The following TLL2 variants were observed in gnomAD, a reference collection of about 807,000 sequenced individuals.
The protein encoded by TLL2 is tolloid like 2.
In TLL2, 106 loss-of-function variants were observed where a neutral mutation model predicts 123.0. The ratio of observed to expected loss-of-function variants is 0.86; its 90% CI spans 0.74 to 1.01. The LOEUF (loss-of-function observed/expected upper bound fraction) is 1.01, where lower values mean the gene tolerates loss of function less well. TLL2 is among the 50% of genes least tolerant of loss of function. The pLI is 0.00. For missense variants in TLL2, 1,332 were observed against 1,336.7 expected (o/e 1.00, Z 0.06); for synonymous variants, 494 against 516.8 (o/e 0.96, Z 0.60).
intron 13 of TLL2, among the ~76,000 whole-genome samples, chr10:96,388,660 C>T (rs548710172): frequency 6.6e-6 from 1 of 152,316 alleles, no homozygotes; most frequent in Non-Finnish European, 1.5e-5. Context: ...TTCCAGTCCA[C>T]TGGTCCTCAG....
chr10:96,436,269 T>C (rs1461103604), intron 3 of TLL2, among the ~76,000 whole-genome samples: 5 of 152,256 alleles, frequency 3.3e-5, no homozygotes, highest in Admixed American at 6.5e-5. Context: ...CTGATATCAT[T>C]GATGGCTAGC....
At chr10:96,395,686 G>C (rs1001028266) in intron 12 of TLL2, among the ~76,000 whole-genome samples, 189 bp downstream of exon 12, 1 of 152,178 alleles carries the variant, frequency 6.6e-6, no homozygotes, top group Non-Finnish European at 1.5e-5. Context: ...CCCTCAGAAA[G>C]GTGTCAAACC....
intron 9 of TLL2, among the ~76,000 whole-genome samples, chr10:96,409,241 T>A (rs1234420885): frequency 5.9e-5 from 9 of 152,222 alleles, no homozygotes; most frequent in Non-Finnish European, 1.2e-4. Context: ...ACAGACTGTG[T>A]GGAGTGCTGG....
chr10:96,446,492 C>T (rs1045668616), intron 2 of TLL2, among the ~76,000 whole-genome samples: 7 of 133,624 alleles, frequency 5.2e-5, no homozygotes, highest in South Asian at 2.8e-4. Flanking sequence ...CTTCCTCACG[C>T]GCCCCCCACC....
chr10:96,380,994 G>C (rs1589406587), intron 16 of TLL2, among the ~76,000 whole-genome samples: 2 of 149,112 alleles, frequency 1.3e-5, no homozygotes, highest in Admixed American at 1.3e-4. Flanking sequence ...AAAAAAAAAA[G>C]AATGCAGAAG....
intron 2 of TLL2, among the ~76,000 whole-genome samples, chr10:96,476,883 C>CACAGACACAT (rs1847262076): frequency 6.7e-6 from 1 of 148,760 alleles, no homozygotes. Flanking sequence ...CACACACACA[C>CACAGACACAT]ACACACACAC....
chr10:96,386,849 C>G, intron 14 of TLL2, 104 bp downstream of exon 14: 1 of 1,527,318 alleles, frequency 6.5e-7, no homozygotes, highest in South Asian at 1.2e-5. Context: ...TGCCCATTGC[C>G]CATCGTTCCT....
chr10:96,484,620 C>T (rs953133236), intron 1 of TLL2, among the ~76,000 whole-genome samples: 34 of 151,840 alleles, frequency 2.2e-4, no homozygotes, highest in African/African-American at 8.2e-4. Context: ...CACACACACA[C>T]ACACACACAC....
intron 1 of TLL2, among the ~76,000 whole-genome samples, chr10:96,484,889 A>G (rs1847343830): frequency 6.6e-6 from 1 of 152,160 alleles, no homozygotes; most frequent in African/African-American, 2.4e-5. Context: ...TTCCCCACAG[A>G]GGTCAAATAT....
chr10:96,377,033 G>A (rs1334248948), intron 17 of TLL2, among the ~76,000 whole-genome samples: 3 of 152,158 alleles, frequency 2.0e-5, no homozygotes, highest in African/African-American at 7.2e-5. Flanking sequence ...GTGGCTCGGG[G>A]GCCAGGCTAT....
At chr10:96,398,988 C>T (rs1846366395) in intron 10 of TLL2, among the ~76,000 whole-genome samples, 1 of 151,238 alleles carries the variant, frequency 6.6e-6, no homozygotes, top group South Asian at 2.1e-4. Flanking sequence ...TCTCCTGCCT[C>T]ACCCTCCCAA....
chr10:96,513,622 C>A lies in TLL2; in HGVS notation c.64G>T (p.Gly22Cys). Residue 22 changes from glycine (G) to cysteine (C), a missense_variant, in exon 1 of 21, where the codon GGC (glycine) becomes TGC (cysteine). Coordinates refer to ENST00000357947, the MANE Select transcript of TLL2 (RefSeq NM_012465.4). ...SLLLLLPLPRGAGGLGERPDA... is the reference protein window; with the variant it reads ...SLLLLLPLPRCAGGLGERPDA... ...GGGCGCTCCCCGAGTCCCCCGGCGCCGCGAGGCAGCGGCAGCAGCAGCAGC... is the reference window on the plus strand; with the variant it reads ...GGGCGCTCCCCGAGTCCCCCGGCGCAGCGAGGCAGCGGCAGCAGCAGCAGC... The A allele has an allele frequency of 6.3e-7, 1 of 1,599,922 alleles. No individual in the cohort carries two copies. The highest frequency in any genetic ancestry group is 8.5e-7 in the Non-Finnish European group (1 of 1,177,792).
intron 1 of TLL2, among the ~76,000 whole-genome samples, chr10:96,486,901 C>G (rs7919971): frequency 0.38 from 58,001 of 152,178 alleles, 11,399 homozygotes; most frequent in Middle Eastern, 0.54. Context: ...CAGCTGGCTT[C>G]GTCTCCATCT....
chr10:96,409,953 A>C (rs1332143515), intron 9 of TLL2, among the ~76,000 whole-genome samples: 1 of 152,218 alleles, frequency 6.6e-6, no homozygotes, highest in Non-Finnish European at 1.5e-5. Flanking sequence ...TGGGGTGTCA[A>C]CAGGGATGTT....
intron 7 of TLL2, among the ~76,000 whole-genome samples, chr10:96,419,197 G>C (rs1388551600): frequency 6.6e-6 from 1 of 152,122 alleles, no homozygotes; most frequent in Non-Finnish European, 1.5e-5. Context: ...GGAAGAGGAG[G>C]CCCTTCCAGC....
At chr10:96,445,670 C>T (rs35997117) in intron 3 of TLL2, among the ~76,000 whole-genome samples, 7,714 of 152,254 alleles carry the variant, frequency 0.051, 217 homozygotes, top group South Asian at 0.096. Context: ...ACGATCCATG[C>T]ACAAGGCAGA....
rs542313339 is a variant in TLL2, at chr10:96,395,370, C to G, written c.1543G>C (p.Asp515His). ...TFQAFEIERH[D>H]SCAYDYLEVR... The stretch of plus-strand genomic sequence containing the variant: ...TCCAGGTAGTCATATGCACAGCTGT[C>G]GTGCCTTTCAATCTAAAGGAAGAAA... Residue 515 changes from aspartate to histidine, a missense_variant, in exon 13 of 21, where the codon GAC (aspartate) becomes CAC (histidine). Asp to His is a moderately conservative substitution (Grantham distance 81). Coordinates refer to ENST00000357947, the MANE Select transcript of TLL2 (RefSeq NM_012465.4). 5 of 1,590,354 alleles carry G rather than the reference C, an allele frequency of 3.1e-6. No homozygotes were observed. The South Asian group carries it at 3.4e-5, about 11-fold the overall frequency.
chr10:96,498,319 C>G (rs947245835), intron 1 of TLL2, among the ~76,000 whole-genome samples: 1 of 152,170 alleles, frequency 6.6e-6, no homozygotes, highest in Non-Finnish European at 1.5e-5. Flanking sequence ...CCCTCCCAGG[C>G]CTTCAGGGTT....
chr10:96,502,023 C>G (rs1847537903), intron 1 of TLL2, among the ~76,000 whole-genome samples: 1 of 152,110 alleles, frequency 6.6e-6, no homozygotes, highest in South Asian at 2.1e-4. Context: ...TTCAGAAAAA[C>G]AAAGGCGATG....
Sources: gnomAD v4.1 joint callset for allele counts (sites outside exome capture counted in the v4.1 genomes callset) on GRCh38, gnomAD v4.1.1 for gene constraint, MANE v1.5 for transcripts, NCBI Gene and HGNC (gene_info 2026-07-23, HGNC 2026-07-21) for gene names.